Variants in PRKCA observed in about 807,000 individuals in gnomAD.
PRKCA encodes the protein protein kinase C alpha type.
In PRKCA, 27 loss-of-function variants were observed where a neutral mutation model predicts 87.0. The ratio of observed to expected loss-of-function variants is 0.31; its 90% CI spans 0.23 to 0.43. PRKCA has a LOEUF of 0.43. Among genes scored for constraint, PRKCA ranks in the 20% least tolerant of loss-of-function variants. The pLI is 1.00. For synonymous variants in PRKCA, 329 were observed against 311.1 expected (o/e 1.06, Z -0.61); for missense variants, 518 against 852.3 (o/e 0.61, Z 4.88).
intron 2 of PRKCA, among the ~76,000 whole-genome samples, chr17:66,478,256 T>A (rs1310511848): frequency 6.6e-6 from 1 of 152,102 alleles, no homozygotes; most frequent in Non-Finnish European, 1.5e-5. Flanking sequence ...GTTTGTTTAT[T>A]TTATTTTATT....
chr17:66,744,520 A>G (rs4303580), intron 13 of PRKCA, among the ~76,000 whole-genome samples: 9,362 of 152,236 alleles, frequency 0.061, 474 homozygotes, highest in African/African-American at 0.13. Context: ...GTTCCGACAA[A>G]TAGCTCCTTG....
intron 8 of PRKCA, among the ~76,000 whole-genome samples, chr17:66,690,853 T>C (rs1054259689): frequency 1.5e-5 from 2 of 134,224 alleles, no homozygotes; most frequent in East Asian, 4.3e-4. Flanking sequence ...AAAAAAAAAA[T>C]TTAGAGCTGT....
At chr17:66,380,667 A>C (rs1014450951) in intron 2 of PRKCA, among the ~76,000 whole-genome samples, 1 of 152,204 alleles carries the variant, frequency 6.6e-6, no homozygotes, top group Non-Finnish European at 1.5e-5. Flanking sequence ...TCTCATGAAT[A>C]ACTTAAGTCT....
At chr17:66,344,521 C>CAA (rs369068778) in intron 2 of PRKCA, among the ~76,000 whole-genome samples, 4 of 150,582 alleles carry the variant, frequency 2.7e-5, no homozygotes, top group Non-Finnish European at 4.4e-5. Flanking sequence ...ACAACAACAA[C>CAA]AACAAAAAAA....
intron 3 of PRKCA, among the ~76,000 whole-genome samples, chr17:66,629,616 T>G (rs1970955246): frequency 6.6e-6 from 1 of 152,240 alleles, no homozygotes; most frequent in Non-Finnish European, 1.5e-5. Flanking sequence ...TATTCCTATT[T>G]TACGTTCCTT....
rs1020541149 is a variant in PRKCA, at chr17:66,438,856, G to GC, written c.206-57339dup. Among the ~76,000 whole-genome samples the GC allele has an allele frequency of 2.6e-5, 4 of 152,100 alleles. No homozygotes were observed. The East Asian group carries it at 5.8e-4, about 22-fold the overall frequency. ...TCACGAGAACAGGATGGGGGATACT[G>GC]CCCCCCATGATTCAATTATCTCTGC... On this transcript the variant is annotated intron_variant, in intron 2 of 16. Transcript: ENST00000413366.
At chr17:66,482,148 G>C (rs1454578160) in intron 2 of PRKCA, among the ~76,000 whole-genome samples, 2 of 151,362 alleles carry the variant, frequency 1.3e-5, no homozygotes, top group Non-Finnish European at 2.9e-5. Flanking sequence ...AGTGGATCGA[G>C]TATGAATTAT....
chr17:66,533,687 T>C lies in PRKCA; in HGVS notation c.288+37404T>C, dbSNP rs550040812. Among the ~76,000 whole-genome samples, 5 of 145,246 alleles carry C rather than the reference T, an allele frequency of 3.4e-5. No individual in the cohort carries two copies. In the South Asian group the frequency reaches 1.1e-3, roughly 31 times the overall value. Reference sequence around the variant, plus strand: ...CAACCAGGCAAGATCCAGAGGAGACTGTCCAGGCTGCCGCCCCCACTGGCC... The same window carrying C: ...CAACCAGGCAAGATCCAGAGGAGACCGTCCAGGCTGCCGCCCCCACTGGCC... On this transcript the variant is annotated intron_variant, in intron 3 of 16. Transcript: ENST00000413366.
chr17:66,640,256 C>T (rs1971254085), intron 3 of PRKCA, among the ~76,000 whole-genome samples: 1 of 152,158 alleles, frequency 6.6e-6, no homozygotes, highest in African/African-American at 2.4e-5. Flanking sequence ...GAGCTGGAAC[C>T]TGAACCCAGG....
chr17:66,498,715 G>C (rs1387802387), intron 3 of PRKCA, among the ~76,000 whole-genome samples: 1 of 152,206 alleles, frequency 6.6e-6, no homozygotes, highest in Non-Finnish European at 1.5e-5. Flanking sequence ...TGAGCTTGAC[G>C]AATGGGTAGG....
intron 5 of PRKCA, among the ~76,000 whole-genome samples, chr17:66,652,366 G>A (rs1971611461): frequency 6.6e-6 from 1 of 152,178 alleles, no homozygotes; most frequent in South Asian, 2.1e-4. Context: ...AGAACATTTT[G>A]GGGACAGTGG....
Position 66,805,172 on chromosome 17 carries a change from A to G in PRKCA, c.*1135A>G, listed in dbSNP as rs1185128625. The G allele has an allele frequency of 8.3e-6, 8 of 965,350 alleles. No homozygotes were observed. The highest frequency in any genetic ancestry group is 6.2e-5 in the Admixed American group (1 of 16,226). The allele number at this position is 965,350 out of a possible 1,614,324, so 59.8% of individuals were successfully genotyped here. A position where few individuals can be genotyped will look rare whatever the true frequency, so the allele number is the denominator to read the frequency against. Reference sequence around the variant, plus strand: ...TGGTTCCCATTTCTAGTTCACGTTGAATGACAGGCCTGGAGCTGTAGAATC... The same window carrying G: ...TGGTTCCCATTTCTAGTTCACGTTGGATGACAGGCCTGGAGCTGTAGAATC... On this transcript the variant is annotated 3_prime_UTR_variant, in exon 17 of 17. Transcript: ENST00000413366.
chr17:66,458,542 G>A (rs545431159), intron 2 of PRKCA, among the ~76,000 whole-genome samples: 23 of 151,666 alleles, frequency 1.5e-4, no homozygotes, highest in Non-Finnish European at 2.8e-4. Context: ...GTGTAGTGGT[G>A]CACTCTCAGC....
intron 4 of PRKCA, among the ~76,000 whole-genome samples, chr17:66,642,649 A>G (rs1971332251): frequency 6.6e-6 from 1 of 152,214 alleles, no homozygotes; most frequent in African/African-American, 2.4e-5. Context: ...AAACTGTAGA[A>G]AAAGAAACAT....
chr17:66,512,457 A>AGTGTGTGTGTGT (rs71160573), intron 3 of PRKCA, among the ~76,000 whole-genome samples: 121 of 144,470 alleles, frequency 8.4e-4, no homozygotes, highest in Admixed American at 4.5e-3. Flanking sequence ...CAACAAAAAA[A>AGTGTGTGTGTGT]GTGTGTGTGT....
At chr17:66,672,709 C>T (rs1972223673) in intron 5 of PRKCA, among the ~76,000 whole-genome samples, 1 of 152,118 alleles carries the variant, frequency 6.6e-6, no homozygotes, top group Non-Finnish European at 1.5e-5. Flanking sequence ...TTTGTAGATG[C>T]CCCCAAACAG....
chr17:66,784,503 T>C (rs1276147150), intron 14 of PRKCA, among the ~76,000 whole-genome samples: 2 of 152,024 alleles, frequency 1.3e-5, no homozygotes, highest in Non-Finnish European at 2.9e-5. Context: ...CACGTTGGCC[T>C]CCCAAAGTGC....
At chr17:66,437,731 T>TTTTTTTTTTAGCGGGGG (rs55779501) in intron 2 of PRKCA, among the ~76,000 whole-genome samples, 2 of 11,142 alleles carry the variant, frequency 1.8e-4, no homozygotes, top group Non-Finnish European at 3.3e-4. Flanking sequence ...TTTTTTTTTT[T>TTTTTTTTTTAGCGGGGG]GAGCGGGGGG....
rs1488729204 is a variant in PRKCA, at chr17:66,759,294, T to C, written c.1525-14693T>C. Among the ~76,000 whole-genome samples the C allele has an allele frequency of 2.0e-5, 3 of 151,592 alleles. No individual in the cohort carries two copies. In the East Asian group the frequency reaches 5.8e-4, roughly 30 times the overall value. On this transcript the variant is annotated intron_variant, in intron 13 of 16. Transcript: ENST00000413366. ...TGGCGTGAACCCGGGAGGCAGAGCT[T>C]GCAGTGAGCCAAGATGGCGCCACTG...
Sources: allele counts gnomAD v4.1 joint callset (sites outside exome capture counted in the v4.1 genomes callset), GRCh38; gene constraint gnomAD v4.1.1; transcripts MANE v1.5; gene names NCBI Gene and HGNC (gene_info 2026-07-23, HGNC 2026-07-21).